Variants in LRRC72 observed in about 807,000 individuals in gnomAD.
The protein encoded by LRRC72 is leucine-rich repeat-containing protein 72.
In LRRC72, 41 loss-of-function variants were observed where a neutral mutation model predicts 35.8. That is an observed-to-expected ratio of 1.15 (90% confidence interval 0.89 to 1.49). The LOEUF (loss-of-function observed/expected upper bound fraction) is 1.49, where lower values mean the gene tolerates loss of function less well. Among genes scored for constraint, LRRC72 ranks in the 40% most tolerant of loss-of-function variants. The pLI is 0.00. For missense variants in LRRC72, 389 were observed against 330.7 expected (o/e 1.18, Z -1.37); for synonymous variants, 118 against 119.2 (o/e 0.99, Z 0.07).
intron 5 of LRRC72, among the ~76,000 whole-genome samples, chr7:16,560,379 T>C (rs1782725471): frequency 6.6e-6 from 1 of 152,202 alleles, no homozygotes; most frequent in Non-Finnish European, 1.5e-5. Flanking sequence ...AATGATTCAT[T>C]TGTTATAGTT....
At chr7:16,565,320 C>T (rs1281108460) in intron 5 of LRRC72, among the ~76,000 whole-genome samples, 1 of 151,942 alleles carries the variant, frequency 6.6e-6, no homozygotes, top group Non-Finnish European at 1.5e-5. Context: ...GTAATCCCAG[C>T]TACTCAGGAG....
At chr7:16,573,740 T>C (rs778907035) in intron 7 of LRRC72, among the ~76,000 whole-genome samples, 4 of 152,194 alleles carry the variant, frequency 2.6e-5, no homozygotes, top group Non-Finnish European at 4.4e-5. Context: ...GACATAGGCA[T>C]GGGCAAAGAC....
chr7:16,578,579 A>G (rs767375887), intron 7 of LRRC72, among the ~76,000 whole-genome samples: 3 of 152,234 alleles, frequency 2.0e-5, no homozygotes, highest in Non-Finnish European at 4.4e-5. Flanking sequence ...AATTTTGTCA[A>G]CAAACAAATC....
At chr7:16,532,774 C>T in intron 2 of LRRC72, 1 of 627,880 alleles carries the variant, frequency 1.6e-6, no homozygotes, top group Non-Finnish European at 2.9e-6. Flanking sequence ...ATTATGGAGA[C>T]AGGCTGTTTG....
chr7:16,548,266 G>T (rs988378931), intron 3 of LRRC72, among the ~76,000 whole-genome samples: 1 of 152,172 alleles, frequency 6.6e-6, no homozygotes, highest in Non-Finnish European at 1.5e-5. Flanking sequence ...CTTCCTGGAT[G>T]TAGGACAAGA....
intron 3 of LRRC72, among the ~76,000 whole-genome samples, chr7:16,554,056 C>T (rs748204583): frequency 4.6e-5 from 7 of 152,160 alleles, no homozygotes; most frequent in Middle Eastern, 3.2e-3. Context: ...CGGCCAGGTG[C>T]GGTGGCTCAC....
At chr7:16,569,231 C>T (rs1232013283) in intron 7 of LRRC72, among the ~76,000 whole-genome samples, 1 of 151,964 alleles carries the variant, frequency 6.6e-6, no homozygotes, top group Non-Finnish European at 1.5e-5. Context: ...AGTTTAAGAC[C>T]AGCCTGACCA....
intron 5 of LRRC72, among the ~76,000 whole-genome samples, chr7:16,564,851 A>C (rs1023312276): frequency 6.6e-6 from 1 of 152,040 alleles, no homozygotes; most frequent in Admixed American, 6.5e-5. Flanking sequence ...TCTTTTAAGC[A>C]TGCACCTACC....
chr7:16,551,310 T>C (rs1782544198), intron 3 of LRRC72, among the ~76,000 whole-genome samples: 1 of 152,198 alleles, frequency 6.6e-6, no homozygotes, highest in Admixed American at 6.5e-5. Context: ...CCCTGTGATG[T>C]TATGAAATAT....
chr7:16,569,476 A>G (rs950896544), intron 7 of LRRC72, among the ~76,000 whole-genome samples: 5 of 152,196 alleles, frequency 3.3e-5, no homozygotes, highest in Non-Finnish European at 7.3e-5. Flanking sequence ...TCCTAAATGA[A>G]TGACTTACAC....
chr7:16,568,861 A>G (rs1236307787), intron 7 of LRRC72, among the ~76,000 whole-genome samples: 1 of 152,244 alleles, frequency 6.6e-6, no homozygotes, highest in East Asian at 1.9e-4. Flanking sequence ...ACAGTGATCG[A>G]AAGTTTTTAA....
intron 3 of LRRC72, among the ~76,000 whole-genome samples, chr7:16,549,087 TA>T (rs1782502856): frequency 6.6e-6 from 1 of 152,220 alleles, no homozygotes. Context: ...TATTTTCTCA[TA>T]AATACAATAT....
At chr7:16,562,719 G>A (rs1451917625) in intron 5 of LRRC72, among the ~76,000 whole-genome samples, 5 of 152,128 alleles carry the variant, frequency 3.3e-5, no homozygotes, top group African/African-American at 4.8e-5. Flanking sequence ...GGATCTCCAG[G>A]GTCCCTTCCT....
At chr7:16,536,540 T>C (rs542102757) in intron 2 of LRRC72, among the ~76,000 whole-genome samples, 63 of 152,004 alleles carry the variant, frequency 4.1e-4, no homozygotes, top group African/African-American at 1.3e-3. Context: ...ATTAGATAGA[T>C]AGTATGAGCA....
intron 3 of LRRC72, among the ~76,000 whole-genome samples, chr7:16,542,241 G>A (rs751682587): frequency 4.2e-4 from 64 of 152,088 alleles, no homozygotes; most frequent in Non-Finnish European, 7.8e-4. Flanking sequence ...ATGCACCTGC[G>A]CTTAGAAAGG....
At chr7:16,538,511 G>A (rs990404124) in intron 3 of LRRC72, among the ~76,000 whole-genome samples, 2 of 152,136 alleles carry the variant, frequency 1.3e-5, no homozygotes, top group Non-Finnish European at 1.5e-5. Flanking sequence ...ACCCTCACGT[G>A]CAGAATCCCT....
At chr7:16,551,072 G>A (rs1357531532) in intron 3 of LRRC72, among the ~76,000 whole-genome samples, 4 of 152,112 alleles carry the variant, frequency 2.6e-5, no homozygotes, top group East Asian at 3.9e-4. Context: ...ATTTAAAGAC[G>A]TGATTAAGCT....
At chr7:16,531,892 T>C (rs1229735008) in intron 1 of LRRC72, among the ~76,000 whole-genome samples, 1 of 152,172 alleles carries the variant, frequency 6.6e-6, no homozygotes, top group Non-Finnish European at 1.5e-5. Flanking sequence ...ACAGCATGAG[T>C]ATGTTAGCAA....
In LRRC72 at chr7:16,528,309, A is replaced by C. The variant is rs1011041378; in HGVS notation, c.90+1267A>C. 2.0e-5 allele frequency among the ~76,000 whole-genome samples: 3 copies of C among 151,676 alleles called. No homozygotes were observed. In the East Asian group the frequency reaches 5.8e-4, roughly 29 times the overall value. ...CCACTCTCCTCTGGTTAACTGACTT[A>C]TCAGATCTGCACAGCTGCCCTGATG... On this transcript the variant is annotated intron_variant, in intron 1 of 8. Transcript: ENST00000401542.
Sources: gnomAD v4.1 joint callset for allele counts (sites outside exome capture counted in the v4.1 genomes callset) on GRCh38, gnomAD v4.1.1 for gene constraint, MANE v1.5 for transcripts, NCBI Gene and HGNC (gene_info 2026-07-23, HGNC 2026-07-21) for gene names.